The following PTPRG variants were observed in gnomAD, a reference collection of about 807,000 sequenced individuals.
PTPRG encodes receptor-type tyrosine-protein phosphatase gamma.
In PTPRG, 102 loss-of-function variants were observed where a neutral mutation model predicts 165.3. The observed-to-expected ratio is 0.62, with a 90% CI of 0.53 to 0.73. The LOEUF (loss-of-function observed/expected upper bound fraction) is 0.73, where lower values mean the gene tolerates loss of function less well. Among genes scored for constraint, PTPRG ranks in the 30% least tolerant of loss-of-function variants. The pLI is 0.00. For synonymous variants in PTPRG, 675 were observed against 669.5 expected, an observed-to-expected ratio of 1.01 and a Z score of -0.13; for missense variants, 1,866 against 1,861.4, an observed-to-expected ratio of 1.00 and a Z score of -0.05.
At chr3:62,138,823 A>T (rs1407563582) in intron 6 of PTPRG, among the ~76,000 whole-genome samples, 1 of 151,162 alleles carries the variant, frequency 6.6e-6, no homozygotes, top group Non-Finnish European at 1.5e-5. Context: ...TGTGTCAGTT[A>T]AGAGGTGTGT....
chr3:61,726,773 T>C (rs899101350), intron 1 of PTPRG, among the ~76,000 whole-genome samples: 1 of 152,112 alleles, frequency 6.6e-6, no homozygotes, highest in East Asian at 1.9e-4. Flanking sequence ...ATTGGCCGGG[T>C]GCGGTGGCTC....
At chr3:62,011,398 G>C (rs2041420649) in intron 4 of PTPRG, among the ~76,000 whole-genome samples, 1 of 152,102 alleles carries the variant, frequency 6.6e-6, no homozygotes, top group South Asian at 2.1e-4. Flanking sequence ...TTTTTTCACA[G>C]AGTCCTTTGT....
At chr3:62,275,987 G>C (rs1702220077) in intron 24 of PTPRG, 21 bp downstream of exon 24, 1 of 1,547,496 alleles carries the variant, frequency 6.5e-7, no homozygotes, top group Non-Finnish European at 8.9e-7. Context: ...AAAACAGTTT[G>C]TTAGTGATCT....
At chr3:61,691,879 A>AC (rs2030236831) in intron 1 of PTPRG, among the ~76,000 whole-genome samples, 1 of 2,440 alleles carries the variant, frequency 4.1e-4, no homozygotes, top group Non-Finnish European at 9.3e-3. Context: ...GAGGACTTAC[A>AC]TTTAACCTTG....
At chr3:62,084,163 A>G (rs1357732494) in intron 5 of PTPRG, among the ~76,000 whole-genome samples, 1 of 152,230 alleles carries the variant, frequency 6.6e-6, no homozygotes. Context: ...ACAAAGATAT[A>G]AAATGATTGT....
chr3:62,138,273 G>T (rs2106942657), intron 6 of PTPRG, among the ~76,000 whole-genome samples: 1 of 152,338 alleles, frequency 6.6e-6, no homozygotes, highest in African/African-American at 2.4e-5. Flanking sequence ...CACAAAGTGA[G>T]AAATGTGCAT....
intron 1 of PTPRG, among the ~76,000 whole-genome samples, chr3:61,627,204 T>C (rs62244387): frequency 0.082 from 12,305 of 150,250 alleles, 643 homozygotes; most frequent in Middle Eastern, 0.12. Flanking sequence ...GTTGGAATTA[T>C]ACTTTTTAAA....
At chr3:61,744,299 T>A (rs2033113404) in intron 1 of PTPRG, among the ~76,000 whole-genome samples, 1 of 152,246 alleles carries the variant, frequency 6.6e-6, no homozygotes, top group Non-Finnish European at 1.5e-5. Context: ...TTTTAAATTA[T>A]GTGAGTGCCA....
chr3:61,883,283 T>C (rs753879248), intron 2 of PTPRG, among the ~76,000 whole-genome samples: 10 of 152,166 alleles, frequency 6.6e-5, no homozygotes, highest in Non-Finnish European at 1.5e-4. Flanking sequence ...CTTATGGTCT[T>C]ATTAATACAT....
intron 5 of PTPRG, among the ~76,000 whole-genome samples, chr3:62,087,800 C>A (rs1508406): frequency 0.03 from 4,600 of 152,098 alleles, 177 homozygotes; most frequent in East Asian, 0.19. Context: ...ATATAATTGC[C>A]TTCAGGCCTC....
rs543429512 is a variant in PTPRG, at chr3:62,272,793, C to T, written c.3183-153C>T. On this transcript the variant is annotated intron_variant, in intron 21 of 29. Coordinates refer to ENST00000474889, the MANE Select transcript of PTPRG (RefSeq NM_002841.4). ...CGGAGGTTGCAGTGAACCGAGATTG[C>T]GCCACTGCACTCCAGCCTGGGCAAC... is the stretch of plus-strand genomic sequence containing the variant. Among the ~76,000 whole-genome samples, 49 of 152,148 alleles carry T rather than the reference C, an allele frequency of 3.2e-4. No homozygotes were observed. The South Asian group carries it at 8.5e-3, about 26-fold the overall frequency.
intron 14 of PTPRG, among the ~76,000 whole-genome samples, chr3:62,239,360 C>CTTTTTTTTTTTTTTTTTTTTTTTA (rs776921598): frequency 8.0e-6 from 1 of 124,538 alleles, no homozygotes; most frequent in Non-Finnish European, 1.7e-5. Context: ...TTTTTTCTTT[C>CTTTTTTTTTTTTTTTTTTTTTTTA]TTTTTTTTTT....
intron 1 of PTPRG, among the ~76,000 whole-genome samples, chr3:61,688,351 T>C (rs1703706932): frequency 6.6e-6 from 1 of 152,198 alleles, no homozygotes; most frequent in African/African-American, 2.4e-5. Context: ...GCCTAGACTC[T>C]GTATCCTGGC....
intron 1 of PTPRG, among the ~76,000 whole-genome samples, chr3:61,680,449 C>G (rs1396039693): frequency 1.4e-5 from 2 of 147,302 alleles, no homozygotes; most frequent in Non-Finnish European, 3.0e-5. Flanking sequence ...AAATCCAAAT[C>G]CAGAAACATC....
At chr3:62,221,625 G>T (rs1431034242) in intron 13 of PTPRG, among the ~76,000 whole-genome samples, 1 of 152,214 alleles carries the variant, frequency 6.6e-6, no homozygotes, top group Non-Finnish European at 1.5e-5. Flanking sequence ...GGCACAGTAA[G>T]ACTGGATGAT....
At chr3:62,102,736 C>T (rs1576005625) in intron 5 of PTPRG, among the ~76,000 whole-genome samples, 1 of 152,096 alleles carries the variant, frequency 6.6e-6, no homozygotes, top group African/African-American at 2.4e-5. Context: ...AGGTCAGTGG[C>T]TACAACACAG....
intron 2 of PTPRG, among the ~76,000 whole-genome samples, chr3:61,836,065 A>C (rs2036451067): frequency 7.7e-6 from 1 of 130,678 alleles, no homozygotes; most frequent in Non-Finnish European, 1.6e-5. Flanking sequence ...CCCCCACCAA[A>C]AAAAAAAATA....
intron 2 of PTPRG, among the ~76,000 whole-genome samples, chr3:61,942,475 T>C (rs965811971): frequency 1.3e-5 from 2 of 152,254 alleles, no homozygotes; most frequent in South Asian, 2.1e-4. Flanking sequence ...GTCTATATTA[T>C]TGAGTCAATT....
chr3:61,667,345 CT>C (rs1206333833), intron 1 of PTPRG, among the ~76,000 whole-genome samples: 1 of 152,122 alleles, frequency 6.6e-6, no homozygotes, highest in Non-Finnish European at 1.5e-5. Flanking sequence ...AGAAAACTTC[CT>C]TCTAAGTTTT....
Sources: gnomAD v4.1 joint callset for allele counts (sites outside exome capture counted in the v4.1 genomes callset) on GRCh38, gnomAD v4.1.1 for gene constraint, MANE v1.5 for transcripts, NCBI Gene and HGNC (gene_info 2026-07-23, HGNC 2026-07-21) for gene names.